GRID1: variants seen among roughly 807,000 people sequenced by gnomAD.
GRID1 encodes glutamate receptor ionotropic, delta-1.
In GRID1, 28 loss-of-function variants were observed where a neutral mutation model predicts 98.0. That is an observed-to-expected ratio of 0.29 (90% CI 0.21 to 0.39). The LOEUF (loss-of-function observed/expected upper bound fraction) is 0.39, where lower values mean the gene tolerates loss of function less well. Ranked by LOEUF, GRID1 falls within the 10% of genes least tolerant of loss-of-function variation. GRID1 has a pLI of 1.00. For missense variants in GRID1, 1,111 were observed against 1,340.5 expected (o/e 0.83, Z 2.67); for synonymous variants, 553 against 538.5 (o/e 1.03, Z -0.37).
intron 13 of GRID1, among the ~76,000 whole-genome samples, chr10:85,644,617 C>T (rs1843162966): frequency 6.6e-6 from 1 of 152,104 alleles, no homozygotes; most frequent in South Asian, 2.1e-4. Context: ...GGTTTTGGTT[C>T]TACAGGAAGT....
At chr10:86,208,862 C>T (rs74149226) in intron 2 of GRID1, among the ~76,000 whole-genome samples, 335 of 152,316 alleles carry the variant, frequency 2.2e-3, no homozygotes, top group African/African-American at 7.5e-3. Context: ...GGTACCTGTC[C>T]AAACCGTAGG....
chr10:85,785,261 T>C (rs1229802039), intron 8 of GRID1, among the ~76,000 whole-genome samples: 1 of 152,224 alleles, frequency 6.6e-6, no homozygotes, highest in Non-Finnish European at 1.5e-5. Flanking sequence ...CTCTGAACAC[T>C]CCAAACCTTC....
At chr10:85,807,492 T>C (rs1842633588) in intron 8 of GRID1, among the ~76,000 whole-genome samples, 1 of 152,106 alleles carries the variant, frequency 6.6e-6, no homozygotes, top group Non-Finnish European at 1.5e-5. Flanking sequence ...ATCAAAAAGT[T>C]AGAAGTTTCA....
In GRID1 at chr10:86,091,601, C is replaced by T. The variant is rs190755521; in HGVS notation, c.726+47218G>A. Among the ~76,000 whole-genome samples, 425 of 152,130 alleles carry T rather than the reference C, an allele frequency of 2.8e-3. 1 individual carries two copies. Among genetic ancestry groups the T allele is most frequent in the African/African-American group, 9.9e-3 (410 of 41,492 alleles). On this transcript the variant is annotated intron_variant, in intron 4 of 15. Coordinates refer to ENST00000327946, the MANE Select transcript of GRID1 (RefSeq NM_017551.3). Reference sequence around the variant, plus strand: ...TATAACCTTGGGAGTTCTAGAGCCCCGCCTAGCACCGGTCCCTCTCCACAG... The same window carrying T: ...TATAACCTTGGGAGTTCTAGAGCCCTGCCTAGCACCGGTCCCTCTCCACAG...
At chr10:86,148,150 T>C (rs1178865118) in intron 3 of GRID1, among the ~76,000 whole-genome samples, 1 of 152,184 alleles carries the variant, frequency 6.6e-6, no homozygotes, top group Non-Finnish European at 1.5e-5. Flanking sequence ...TAAATCATAA[T>C]AAAGCCTGTA....
chr10:86,222,932 G>A (rs1846280982), intron 2 of GRID1, among the ~76,000 whole-genome samples: 1 of 152,152 alleles, frequency 6.6e-6, no homozygotes, highest in Non-Finnish European at 1.5e-5. Context: ...GGGGGGACAT[G>A]CGAGACTGCA....
At chr10:85,817,805 C>T (rs1287642974) in intron 8 of GRID1, among the ~76,000 whole-genome samples, 7 of 151,842 alleles carry the variant, frequency 4.6e-5, no homozygotes, top group African/African-American at 9.7e-5. Flanking sequence ...GCAGGAGAAT[C>T]GCTTGAACCC....
intron 8 of GRID1, among the ~76,000 whole-genome samples, chr10:85,736,204 GAAGC>G (rs1841881860): frequency 7.0e-6 from 1 of 143,116 alleles, no homozygotes; most frequent in African/African-American, 2.7e-5. Context: ...AGGAAGGAAG[GAAGC>G]AAAGAAGGAG....
chr10:86,239,385 G>A (rs1206541828), intron 2 of GRID1, among the ~76,000 whole-genome samples: 1 of 152,238 alleles, frequency 6.6e-6, no homozygotes, highest in African/African-American at 2.4e-5. Flanking sequence ...CCTTGTCTCA[G>A]ATGAGACTTT....
rs1486532068 is a variant in GRID1 at position 86,366,355 on chromosome 10, C to T, written c.38G>A (p.Cys13Tyr). The change falls in exon 1 of 16, where the codon TGC becomes TAC. Residue 13 changes from cysteine to tyrosine, a missense_variant. Coordinates refer to ENST00000327946, the MANE Select transcript of GRID1 (RefSeq NM_017551.3). This position sits in a 1 kb window ranked among gnomAD's most constrained non-coding sequence, Gnocchi z 4.1. ...GTCGGCCCGCACCGACACGCACTGG[C>T]ATATCCAGGGGAGAAGCCACAGCGT... ...ALTLWLLPWI[C>Y]QCVSVRADSI... 1 of 1,524,068 alleles carries T rather than the reference C, an allele frequency of 6.6e-7. No homozygotes were observed. The highest frequency in any genetic ancestry group is 1.2e-5 in the South Asian group (1 of 82,168). 94.4% of individuals were successfully genotyped at this position (1,524,068 alleles called of 1,614,324 possible). A position where few individuals can be genotyped will look rare whatever the true frequency, so the allele number is the denominator to read the frequency against.
Position 85,865,608 on chromosome 10 carries a change from AT to A in GRID1, c.951+3401del, listed in dbSNP as rs553027143. Among the ~76,000 whole-genome samples the A allele has an allele frequency of 2.2e-3, 327 of 150,452 alleles. 2 individuals carry two copies. The Middle Eastern group carries it at 0.024, about 11-fold the overall frequency. ...GACAAAGTTAATAATCCATGACATA[AT>A]TTTTTTTTTCCTTGAGTTGTTCTAA... On this transcript the variant is annotated intron_variant, in intron 6 of 15. Transcript: ENST00000327946.
chr10:85,742,644 C>T (rs1448803251), intron 8 of GRID1, among the ~76,000 whole-genome samples: 1 of 152,160 alleles, frequency 6.6e-6, no homozygotes, highest in African/African-American at 2.4e-5. Context: ...GCACTGATCA[C>T]ATTCATATTT....
intron 2 of GRID1, among the ~76,000 whole-genome samples, chr10:86,243,724 G>C (rs893301771): frequency 6.6e-6 from 1 of 152,264 alleles, no homozygotes; most frequent in East Asian, 1.9e-4. Context: ...AATGAAAGTT[G>C]CTTGCCCAAA....
intron 8 of GRID1, among the ~76,000 whole-genome samples, chr10:85,790,465 G>C (rs1842468125): frequency 6.6e-6 from 1 of 152,234 alleles, no homozygotes; most frequent in Non-Finnish European, 1.5e-5. Flanking sequence ...TGCAGGACAG[G>C]CAGATGATGA....
chr10:85,942,892 G>A lies in GRID1; in HGVS notation c.727-26653C>T, dbSNP rs753974208. On this transcript the variant is annotated intron_variant, in intron 4 of 15. Coordinates refer to ENST00000327946, the MANE Select transcript of GRID1 (RefSeq NM_017551.3). Reference sequence around the variant, plus strand: ...TGGTTGTGTGAAATAAAGATACACAGCTTAGTAATAGTATGACAGTAGAAG... The same window carrying A: ...TGGTTGTGTGAAATAAAGATACACAACTTAGTAATAGTATGACAGTAGAAG... 3.9e-5 allele frequency among the ~76,000 whole-genome samples: 6 copies of A among 152,164 alleles called. No homozygotes were observed. In the South Asian group the frequency reaches 1.2e-3, roughly 32 times the overall value.
intron 2 of GRID1, among the ~76,000 whole-genome samples, chr10:86,247,490 G>T (rs1243322806): frequency 6.6e-6 from 1 of 152,168 alleles, no homozygotes; most frequent in African/African-American, 2.4e-5. Context: ...TGGATGAATG[G>T]ATGGATAGAT....
At chr10:85,659,715 G>A (rs1840943576) in intron 12 of GRID1, among the ~76,000 whole-genome samples, 1 of 152,200 alleles carries the variant, frequency 6.6e-6, no homozygotes, top group African/African-American at 2.4e-5. Flanking sequence ...AAGGGAATTG[G>A]GAGGAGAAGG....
rs138457140 is a variant in GRID1, at chr10:85,639,640, G to A, written c.2193+7562C>T. Among the ~76,000 whole-genome samples the A allele has an allele frequency of 6.7e-3, 1,024 of 152,256 alleles. 35 individuals are homozygous for A. In the East Asian group the frequency reaches 0.081, roughly 12 times the overall value. On this transcript the variant is annotated intron_variant, in intron 13 of 15. Transcript: ENST00000327946. Reference sequence around the variant, plus strand: ...TGTAATCCCAGCACTTTGGGAGGCCGAGGCAGGCAGATCACCTGAGGTCGG... The same window carrying A: ...TGTAATCCCAGCACTTTGGGAGGCCAAGGCAGGCAGATCACCTGAGGTCGG...
chr10:86,253,209 G>A (rs1462521297), intron 2 of GRID1, among the ~76,000 whole-genome samples: 1 of 152,180 alleles, frequency 6.6e-6, no homozygotes. Flanking sequence ...CCTAAGATCA[G>A]CTCATCTGCA....
Sources: gnomAD v4.1 joint callset for allele counts (sites outside exome capture counted in the v4.1 genomes callset) on GRCh38, gnomAD v4.1.1 for gene constraint, Gnocchi (gnomAD v3.1) non-coding constraint, MANE v1.5 for transcripts, NCBI Gene and HGNC (gene_info 2026-07-23, HGNC 2026-07-21) for gene names.